Variants in USP37 observed in about 807,000 individuals in gnomAD.
USP37 encodes the protein ubiquitin specific peptidase 37, also known as ubiquitin carboxyl-terminal hydrolase 37.
Under a neutral mutation model 124.0 loss-of-function variants are expected in USP37, and 27 were observed. That is an observed-to-expected ratio of 0.22 (90% CI 0.16 to 0.30). The LOEUF (loss-of-function observed/expected upper bound fraction) is 0.30, where lower values mean the gene tolerates loss of function less well. USP37 is among the 10% of genes least tolerant of loss of function. The pLI, the probability that USP37 is intolerant of heterozygous loss-of-function variation, is 1.00. For synonymous variants in USP37, 365 were observed against 388.0 expected (o/e 0.94, Z 0.70); for missense variants, 889 against 1,140.4 (o/e 0.78, Z 3.17).
At chr2:218,460,426 C>G (rs563586384) in intron 22 of USP37, among the ~76,000 whole-genome samples, 1 of 152,046 alleles carries the variant, frequency 6.6e-6, no homozygotes, top group African/African-American at 2.4e-5. Flanking sequence ...GTAAAAGAAA[C>G]GCTCTTTTTC....
intron 11 of USP37, among the ~76,000 whole-genome samples, chr2:218,498,736 A>G (rs1689204358): frequency 6.6e-6 from 1 of 152,152 alleles, no homozygotes; most frequent in African/African-American, 2.4e-5. Flanking sequence ...CAAAATAAAT[A>G]AAATAAATAA....
intron 14 of USP37, among the ~76,000 whole-genome samples, chr2:218,488,666 G>A (rs1005622336): frequency 5.3e-5 from 8 of 151,952 alleles, no homozygotes; most frequent in East Asian, 3.9e-4. Flanking sequence ...ATGCAGTTTC[G>A]CTCTTGTCAC....
At chr2:218,542,687 A>C (rs1199697017) in intron 8 of USP37, among the ~76,000 whole-genome samples, 1 of 152,196 alleles carries the variant, frequency 6.6e-6, no homozygotes, top group Non-Finnish European at 1.5e-5. Flanking sequence ...TCATGATAGA[A>C]TAGCTGGGAG....
chr2:218,538,768 C>G (rs1691802404), intron 8 of USP37, among the ~76,000 whole-genome samples: 1 of 152,154 alleles, frequency 6.6e-6, no homozygotes, highest in Non-Finnish European at 1.5e-5. Context: ...CTAAAAAAGA[C>G]AGCAATTAAT....
chr2:218,540,178 C>T (rs1691896076), intron 8 of USP37, among the ~76,000 whole-genome samples: 1 of 152,088 alleles, frequency 6.6e-6, no homozygotes, highest in Non-Finnish European at 1.5e-5. Flanking sequence ...CACAGCAATA[C>T]TCTCACAGTT....
At chr2:218,545,403 G>C (rs574356399) in intron 8 of USP37, among the ~76,000 whole-genome samples, 1 of 152,250 alleles carries the variant, frequency 6.6e-6, no homozygotes, top group African/African-American at 2.4e-5. Flanking sequence ...ACAAAATGGA[G>C]GCTGCTTATT....
chr2:218,459,197 C>T (rs1477098571), intron 23 of USP37, among the ~76,000 whole-genome samples: 1 of 151,856 alleles, frequency 6.6e-6, no homozygotes, highest in East Asian at 1.9e-4. Flanking sequence ...TTCAGTGTAA[C>T]TAAAGGTAAT....
At chr2:218,562,373 T>C (rs1049584905) in intron 2 of USP37, among the ~76,000 whole-genome samples, 1 of 152,228 alleles carries the variant, frequency 6.6e-6, no homozygotes, top group South Asian at 2.1e-4. Context: ...TTTAAATATG[T>C]CCAGAGATTC....
At chr2:218,525,497 T>C (rs1281482015) in intron 10 of USP37, among the ~76,000 whole-genome samples, 1 of 152,076 alleles carries the variant, frequency 6.6e-6, no homozygotes, top group African/African-American at 2.4e-5. Flanking sequence ...AATAAATAAA[T>C]AAATATTGCA....
At chr2:218,559,866 A>G (rs1242965314) in intron 3 of USP37, among the ~76,000 whole-genome samples, 2 of 151,952 alleles carry the variant, frequency 1.3e-5, no homozygotes, top group Admixed American at 1.3e-4. Flanking sequence ...TGTAGCTCCA[A>G]CTACTCCAGA....
intron 11 of USP37, among the ~76,000 whole-genome samples, chr2:218,501,714 A>G (rs1559190347): frequency 6.6e-6 from 1 of 152,202 alleles, no homozygotes; most frequent in Non-Finnish European, 1.5e-5. Context: ...GAGTTCGAAA[A>G]GCTGAGGTTG....
intron 6 of USP37, among the ~76,000 whole-genome samples, chr2:218,548,783 T>C (rs16859051): frequency 0.049 from 7,446 of 152,280 alleles, 522 homozygotes; most frequent in African/African-American, 0.16. Context: ...AAATTTAATG[T>C]TAGTTATGAC....
intron 8 of USP37, among the ~76,000 whole-genome samples, chr2:218,535,256 C>T (rs558149994): frequency 2.4e-4 from 37 of 151,150 alleles, no homozygotes; most frequent in Admixed American, 2.3e-3. Flanking sequence ...CCCAGCTACT[C>T]GGGAGGCTGT....
Position 218,459,917 on chromosome 2 carries a change from A to C in USP37, c.2528-12T>G. 2 of 1,580,746 alleles carry C rather than the reference A, an allele frequency of 1.3e-6. No individual in the cohort carries two copies. The highest frequency in any genetic ancestry group is 1.7e-6 in the Non-Finnish European group (2 of 1,152,092). On this transcript the variant is annotated splice_polypyrimidine_tract_variant and intron_variant, in intron 22 of 25. Transcript: ENST00000258399. Reference sequence around the variant, plus strand: ...GGAGTTGTTAAACTCTGAAGAATACAAAGACAAAATCTTATAAAAGTTCTT... The same window carrying C: ...GGAGTTGTTAAACTCTGAAGAATACCAAGACAAAATCTTATAAAAGTTCTT...
chr2:218,464,803 TG>T (rs1481534497), intron 21 of USP37, among the ~76,000 whole-genome samples: 1 of 152,172 alleles, frequency 6.6e-6, no homozygotes, highest in African/African-American at 2.4e-5. Flanking sequence ...GAGCAAGGGC[TG>T]GGGGCAAATA....
At chr2:218,555,624 CT>C (rs1344781686) in intron 4 of USP37, among the ~76,000 whole-genome samples, 1 of 152,144 alleles carries the variant, frequency 6.6e-6, no homozygotes, top group Non-Finnish European at 1.5e-5. Context: ...TCTTCTTGAA[CT>C]TCGACACTTC....
chr2:218,516,072 C>A (rs1230589313), intron 10 of USP37, among the ~76,000 whole-genome samples: 4 of 152,190 alleles, frequency 2.6e-5, no homozygotes, highest in African/African-American at 7.2e-5. Context: ...AACAGGTATG[C>A]TTTTACACTG....
In USP37 at chr2:218,558,562, T is replaced by A; in HGVS notation, c.92A>T (p.Glu31Val). 1 of 1,613,728 alleles carries A rather than the reference T, an allele frequency of 6.2e-7. No individual in the cohort carries two copies. The highest frequency in any genetic ancestry group is 8.5e-7 in the Non-Finnish European group (1 of 1,179,878). Residue 31 changes from glutamate to valine, a missense_variant, in exon 4 of 26, where the codon GAA (glutamate) becomes GTA (valine). Glu to Val is a moderately radical substitution (Grantham distance 121). Around this residue, in one of 3 missense-constraint regions of USP37, gnomAD observed 374 missense variants for 386.0 expected, o/e 0.97. Transcript: ENST00000258399. ...TACTAGGCTGACTTTATTCTCTTTTTCTACAATTTCAAAGGATCCTTCTTT... is the reference window on the plus strand; with the variant it reads ...TACTAGGCTGACTTTATTCTCTTTTACTACAATTTCAAAGGATCCTTCTTT... ...KWKEGSFEIV[E>V]KENKVSLVVH... is the part of the protein sequence containing the mutation.
chr2:218,543,095 G>T (rs1455235289), intron 8 of USP37, among the ~76,000 whole-genome samples: 5 of 152,158 alleles, frequency 3.3e-5, no homozygotes, highest in African/African-American at 9.7e-5. Context: ...TACAGTAAAA[G>T]ATTACAATTA....
Sources: gnomAD v4.1 joint callset for allele counts (sites outside exome capture counted in the v4.1 genomes callset) on GRCh38, gnomAD v4.1.1 for gene constraint, gnomAD v4.1.1 regional missense constraint, MANE v1.5 for transcripts, NCBI Gene and HGNC (gene_info 2026-07-23, HGNC 2026-07-21) for gene names.